MGAT4C: variants seen among roughly 807,000 people sequenced by gnomAD.
MGAT4C encodes the protein alpha-1,3-mannosyl-glycoprotein 4-beta-N-acetylglucosaminyltransferase C.
In MGAT4C, 19 loss-of-function variants were observed where a neutral mutation model predicts 40.1. That is an observed-to-expected ratio of 0.47 (90% CI 0.33 to 0.70). The LOEUF (loss-of-function observed/expected upper bound fraction) is 0.70, where lower values mean the gene tolerates loss of function less well. MGAT4C is among the 30% of genes least tolerant of loss of function. MGAT4C has a pLI of 0.02. For missense variants in MGAT4C, 491 were observed against 563.2 expected, an observed-to-expected ratio of 0.87 and a Z score of 1.30; for synonymous variants, 181 against 187.1, an observed-to-expected ratio of 0.97 and a Z score of 0.27.
intron 1 of MGAT4C, among the ~76,000 whole-genome samples, chr12:86,207,072 G>A (rs1413364811): frequency 1.3e-5 from 2 of 149,596 alleles, no homozygotes; most frequent in African/African-American, 2.5e-5. Flanking sequence ...AGGGAAAGAA[G>A]AAACCATTAA....
intron 1 of MGAT4C, among the ~76,000 whole-genome samples, chr12:86,106,369 C>A (rs547777027): frequency 6.6e-6 from 1 of 152,086 alleles, no homozygotes; most frequent in Non-Finnish European, 1.5e-5. Flanking sequence ...GGCACAATCC[C>A]GGCTCACTGC....
At chr12:86,806,843 C>A (rs1952365160) in intron 1 of MGAT4C, among the ~76,000 whole-genome samples, 1 of 151,756 alleles carries the variant, frequency 6.6e-6, no homozygotes, top group Admixed American at 6.6e-5. Context: ...ACATCACACA[C>A]TGGGGCCTGT....
At chr12:86,508,008 T>C (rs1018055483) in intron 2 of MGAT4C, among the ~76,000 whole-genome samples, 9 of 152,196 alleles carry the variant, frequency 5.9e-5, no homozygotes, top group African/African-American at 2.2e-4. Context: ...AGTATGGACA[T>C]TTTAAAAATA....
intron 1 of MGAT4C, among the ~76,000 whole-genome samples, chr12:86,185,679 T>C (rs967969935): frequency 2.0e-5 from 3 of 152,202 alleles, no homozygotes; most frequent in Non-Finnish European, 4.4e-5. Context: ...TAACTGCAGA[T>C]TGAAAAATTT....
intron 1 of MGAT4C, among the ~76,000 whole-genome samples, chr12:86,808,834 G>A (rs1479992635): frequency 6.6e-6 from 1 of 152,034 alleles, no homozygotes; most frequent in African/African-American, 2.4e-5. Context: ...AAGAGAGGAA[G>A]TCAAATTGTC....
At chr12:86,349,972 A>G (rs1444637642) in intron 3 of MGAT4C, among the ~76,000 whole-genome samples, 2 of 152,008 alleles carry the variant, frequency 1.3e-5, no homozygotes, top group African/African-American at 4.8e-5. Context: ...TCCAATATAA[A>G]TATAATATAT....
intron 2 of MGAT4C, among the ~76,000 whole-genome samples, chr12:86,028,368 G>GT (rs1890431963): frequency 6.6e-6 from 1 of 151,934 alleles, no homozygotes; most frequent in Non-Finnish European, 1.5e-5. Context: ...TCACTATGAA[G>GT]TATTGCTGAT....
At chr12:86,546,571 A>T (rs1280555795) in intron 2 of MGAT4C, among the ~76,000 whole-genome samples, 3 of 152,164 alleles carry the variant, frequency 2.0e-5, no homozygotes, top group East Asian at 3.9e-4. Context: ...CTAAACTTTG[A>T]CTTAAAGTTC....
At chr12:86,623,519 A>G (rs1049764992) in intron 2 of MGAT4C, among the ~76,000 whole-genome samples, 1 of 152,196 alleles carries the variant, frequency 6.6e-6, no homozygotes, top group Admixed American at 6.5e-5. Flanking sequence ...AGTTGAAAAG[A>G]CAATGGGCCA....
At chr12:86,177,095 C>T (rs1021681885) in intron 1 of MGAT4C, among the ~76,000 whole-genome samples, 5 of 151,758 alleles carry the variant, frequency 3.3e-5, no homozygotes, top group African/African-American at 1.2e-4. Context: ...TACCAGCTTA[C>T]TAATAAATGA....
chr12:86,331,761 GA>G (rs761794401), intron 4 of MGAT4C, among the ~76,000 whole-genome samples: 1 of 152,054 alleles, frequency 6.6e-6, no homozygotes, highest in South Asian at 2.1e-4. Context: ...TGGAGCAGAG[GA>G]AAATTTACGA....
Position 85,979,050 on chromosome 12 carries a change from T to C in MGAT4C, c.*239A>G. The stretch of plus-strand genomic sequence containing the variant: ...GTTGAAATTTTAAAACTAAGAACAT[T>C]TAAAAATATAAATGAAAGTAGCATT... On this transcript the variant is annotated 3_prime_UTR_variant, in exon 5 of 5. Coordinates refer to ENST00000611864, the MANE Select transcript of MGAT4C (RefSeq NM_001351288.2). 6.7e-6 allele frequency: 2 copies of C among 298,264 alleles called. No individual in the cohort carries two copies. Among genetic ancestry groups the C allele is most frequent in the Non-Finnish European group, 1.2e-5 (2 of 161,836 alleles). The allele number at this position is 298,264 out of a possible 1,614,324, so 18.5% of individuals were successfully genotyped here.
chr12:86,327,944 C>A (rs1197196105), intron 4 of MGAT4C, among the ~76,000 whole-genome samples: 1 of 151,990 alleles, frequency 6.6e-6, no homozygotes, highest in African/African-American at 2.4e-5. Flanking sequence ...ACCTCTAGTC[C>A]AGAAACTTCC....
intron 4 of MGAT4C, among the ~76,000 whole-genome samples, chr12:85,980,807 A>G (rs1884501735): frequency 6.6e-6 from 1 of 152,074 alleles, no homozygotes; most frequent in African/African-American, 2.4e-5. Flanking sequence ...TTACTTTTTA[A>G]AGATAAAGTA....
chr12:86,836,599 T>C (rs1953041103), intron 1 of MGAT4C, among the ~76,000 whole-genome samples: 1 of 152,074 alleles, frequency 6.6e-6, no homozygotes, highest in African/African-American at 2.4e-5. Flanking sequence ...GGTAGGTGAA[T>C]GAATCCTATG....
chr12:86,451,785 C>G (rs1392110449), intron 2 of MGAT4C, among the ~76,000 whole-genome samples: 1 of 152,122 alleles, frequency 6.6e-6, no homozygotes, highest in Non-Finnish European at 1.5e-5. Context: ...CAGTCTTCTT[C>G]TACACCCACT....
intron 1 of MGAT4C, among the ~76,000 whole-genome samples, chr12:86,159,762 T>C (rs1276085208): frequency 6.6e-6 from 1 of 152,052 alleles, no homozygotes; most frequent in African/African-American, 2.4e-5. Flanking sequence ...TCTTGGGAGA[T>C]TGTGTGCTTC....
chr12:86,485,223 G>T lies in MGAT4C; in HGVS notation c.-228-49958C>A, dbSNP rs1400206337. On this transcript the variant is annotated intron_variant, in intron 2 of 7. Coordinates refer to the MGAT4C transcript ENST00000548651. ...TCCAAATGAGTATGCTAGTTCTCCA[G>T]CAATGTTTCTTAACCAGACTGAAAT... Among the ~76,000 whole-genome samples the T allele has an allele frequency of 2.0e-5, 3 of 152,240 alleles. No homozygotes were observed. In the East Asian group the frequency reaches 5.8e-4, roughly 29 times the overall value.
intron 4 of MGAT4C, among the ~76,000 whole-genome samples, chr12:86,277,639 T>G (rs1953109137): frequency 6.6e-6 from 1 of 152,212 alleles, no homozygotes; most frequent in South Asian, 2.1e-4. Context: ...CCAACACCAT[T>G]TATTTAAGAG....
Sources: allele counts gnomAD v4.1 joint callset (sites outside exome capture counted in the v4.1 genomes callset), GRCh38; gene constraint gnomAD v4.1.1; transcripts MANE v1.5; gene names NCBI Gene and HGNC (gene_info 2026-07-23, HGNC 2026-07-21).